The following HDAC9 variants were observed in gnomAD, a reference collection of about 807,000 sequenced individuals.
The protein encoded by HDAC9 is MEF-2 interacting transcription repressor (MITR) protein.
A neutral mutation model predicts 139.4 loss-of-function variants in HDAC9; 41 were observed. That is an observed-to-expected ratio of 0.29 (90% CI 0.23 to 0.38). The LOEUF (loss-of-function observed/expected upper bound fraction) is 0.38. Among genes scored for constraint, HDAC9 ranks in the 10% least tolerant of loss-of-function variants. The pLI, the probability that HDAC9 is intolerant of heterozygous loss-of-function variation, is 1.00. For missense variants in HDAC9, 1,147 were observed against 1,297.0 expected, an observed-to-expected ratio of 0.88 and a Z score of 1.78; for synonymous variants, 517 against 476.2, an observed-to-expected ratio of 1.09 and a Z score of -1.12.
intron 1 of HDAC9, among the ~76,000 whole-genome samples, chr7:18,407,722 G>T (rs1788147488): frequency 6.6e-6 from 1 of 152,144 alleles, no homozygotes; most frequent in Non-Finnish European, 1.5e-5. Context: ...AGTAAAACTG[G>T]CAGAACTGTT....
At chr7:18,918,475 A>G (rs963768838) in intron 22 of HDAC9, among the ~76,000 whole-genome samples, 6 of 152,110 alleles carry the variant, frequency 3.9e-5, no homozygotes, top group African/African-American at 1.4e-4. Context: ...CACACTTAAT[A>G]TATGATTTTT....
chr7:18,915,357 A>G (rs1213070000), intron 22 of HDAC9, among the ~76,000 whole-genome samples: 1 of 151,982 alleles, frequency 6.6e-6, no homozygotes, highest in African/African-American at 2.4e-5. Context: ...GATTCCATTT[A>G]CTATATTGCT....
intron 1 of HDAC9, among the ~76,000 whole-genome samples, chr7:18,303,030 A>C (rs923673936): frequency 3.3e-5 from 5 of 152,140 alleles, no homozygotes; most frequent in Non-Finnish European, 7.3e-5. Context: ...TTTTCCTAAA[A>C]ACATGATTTT....
intron 24 of HDAC9, among the ~76,000 whole-genome samples, chr7:18,958,664 T>C (rs1367017448): frequency 1.3e-5 from 2 of 152,180 alleles, no homozygotes; most frequent in East Asian, 1.9e-4. Flanking sequence ...TATTAGGTGC[T>C]CTGCAAATGT....
intron 25 of HDAC9, among the ~76,000 whole-genome samples, chr7:18,993,920 A>G (rs1360903748): frequency 2.6e-5 from 4 of 152,254 alleles, no homozygotes; most frequent in East Asian, 1.9e-4. Context: ...AAAGAGGTCA[A>G]TATAAAATGA....
chr7:18,101,418 A>G (rs915867957), intron 1 of HDAC9, among the ~76,000 whole-genome samples: 31 of 152,140 alleles, frequency 2.0e-4, no homozygotes, highest in Non-Finnish European at 4.3e-4. Flanking sequence ...CTTGAAAACT[A>G]TTGCTTCATA....
rs1583774528 is a variant in HDAC9 at position 18,590,232 on chromosome 7, A to G, written c.265-104A>G. ...GAAAAAGTGGGTACAAATATGAACT[A>G]AATACAAACAAGTTCCAAAAGCTCA... On this transcript the variant is annotated intron_variant, in intron 3 of 25. Transcript: ENST00000686413. The G allele has an allele frequency of 5.0e-6, 6 of 1,195,202 alleles. No individual in the cohort carries two copies. The East Asian group carries it at 1.5e-4, about 30-fold the overall frequency. The allele number at this position is 1,195,202 out of a possible 1,614,324, so 74.0% of individuals were successfully genotyped here. A position where few individuals can be genotyped will look rare whatever the true frequency, so the allele number is the denominator to read the frequency against.
At chr7:18,914,830 C>A (rs949527458) in intron 22 of HDAC9, among the ~76,000 whole-genome samples, 4 of 151,974 alleles carry the variant, frequency 2.6e-5, no homozygotes, top group Non-Finnish European at 5.9e-5. Context: ...GCAGAAAAAA[C>A]CTCTGGAATA....
At chr7:18,931,444 T>A (rs1038224350) in intron 22 of HDAC9, among the ~76,000 whole-genome samples, 2 of 152,190 alleles carry the variant, frequency 1.3e-5, no homozygotes, top group Non-Finnish European at 2.9e-5. Flanking sequence ...AAATCCTTTT[T>A]AAATGTATTT....
chr7:18,096,600 A>G (rs1782516559), intron 1 of HDAC9, among the ~76,000 whole-genome samples: 1 of 152,154 alleles, frequency 6.6e-6, no homozygotes, highest in African/African-American at 2.4e-5. Flanking sequence ...ATCTTGCCTT[A>G]TGTTGTGTGT....
intron 1 of HDAC9, among the ~76,000 whole-genome samples, chr7:18,330,760 C>A (rs528110547): frequency 6.6e-6 from 1 of 151,786 alleles, no homozygotes; most frequent in African/African-American, 2.4e-5. Context: ...CTGACAGTTC[C>A]TTAAATACAG....
chr7:18,237,448 C>G (rs116976641), intron 2 of HDAC9, among the ~76,000 whole-genome samples: 2 of 151,858 alleles, frequency 1.3e-5, no homozygotes, highest in African/African-American at 4.8e-5. Context: ...TTGGTTATTT[C>G]GAATAAATGG....
chr7:18,732,124 T>G (rs1226097648), intron 13 of HDAC9, among the ~76,000 whole-genome samples: 2 of 152,180 alleles, frequency 1.3e-5, no homozygotes, highest in Non-Finnish European at 1.5e-5. Flanking sequence ...CCTCCCAAAG[T>G]GCTGGGATTA....
At chr7:18,911,985 A>T (rs1802781332) in intron 22 of HDAC9, among the ~76,000 whole-genome samples, 1 of 152,060 alleles carries the variant, frequency 6.6e-6, no homozygotes, top group Non-Finnish European at 1.5e-5. Context: ...TGTCAGATAA[A>T]ATATTCTTTA....
intron 22 of HDAC9, among the ~76,000 whole-genome samples, chr7:18,905,253 C>CT (rs1195216681): frequency 3.9e-5 from 6 of 152,334 alleles, no homozygotes; most frequent in Non-Finnish European, 7.3e-5. Context: ...TTGCTCACTT[C>CT]TTTTTTTGCT....
chr7:18,755,083 A>G (rs1788764276), intron 14 of HDAC9, among the ~76,000 whole-genome samples: 1 of 152,166 alleles, frequency 6.6e-6, no homozygotes, highest in South Asian at 2.1e-4. Flanking sequence ...ACCACAAAAC[A>G]GAGAGAAACT....
At chr7:18,678,114 A>C (rs190096110) in intron 12 of HDAC9, among the ~76,000 whole-genome samples, 2 of 151,890 alleles carry the variant, frequency 1.3e-5, no homozygotes, top group Non-Finnish European at 2.9e-5. Flanking sequence ...TGAACATATA[A>C]ATGTTAGCAG....
chr7:18,980,614 ATTATTTTTC>A (rs1227183326), intron 25 of HDAC9, among the ~76,000 whole-genome samples: 1 of 152,134 alleles, frequency 6.6e-6, no homozygotes, highest in Non-Finnish European at 1.5e-5. Context: ...TATTATTTTT[ATTATTTTTC>A]TATCACTTTT....
chr7:18,724,097 A>G (rs1182619621), intron 12 of HDAC9, among the ~76,000 whole-genome samples: 1 of 152,208 alleles, frequency 6.6e-6, no homozygotes, highest in Non-Finnish European at 1.5e-5. Flanking sequence ...TCACCTGGTT[A>G]ATTCCAATTT....
Sources: allele counts gnomAD v4.1 joint callset (sites outside exome capture counted in the v4.1 genomes callset), GRCh38; gene constraint gnomAD v4.1.1; transcripts MANE v1.5; gene names NCBI Gene and HGNC (gene_info 2026-07-23, HGNC 2026-07-21).